Variants in TULP4 observed in about 807,000 individuals in gnomAD.
The protein encoded by TULP4 is TUB like protein 4.
A neutral mutation model predicts 129.0 loss-of-function variants in TULP4; 16 were observed. The observed-to-expected ratio is 0.12, with a 90% CI of 0.08 to 0.19. TULP4 has a LOEUF of 0.19. Among genes scored for constraint, TULP4 ranks in the 10% least tolerant of loss-of-function variants. TULP4 has a pLI of 1.00. For missense variants in TULP4, 1,842 were observed against 2,059.1 expected (o/e 0.89, Z 2.04); for synonymous variants, 998 against 854.0 (o/e 1.17, Z -2.94).
intron 1 of TULP4, among the ~76,000 whole-genome samples, chr6:158,257,370 T>A (rs979873455): frequency 6.6e-6 from 1 of 152,212 alleles, no homozygotes; most frequent in African/African-American, 2.4e-5. Flanking sequence ...GGGAATTCAG[T>A]CTGTCTCAAA....
chr6:158,378,110 G>A (rs1037707495), intron 1 of TULP4, among the ~76,000 whole-genome samples: 11 of 152,156 alleles, frequency 7.2e-5, no homozygotes, highest in African/African-American at 2.7e-4. Flanking sequence ...GGAAAACACG[G>A]TTCTGAGACA....
At chr6:158,435,110 C>T (rs1407669919) in intron 3 of TULP4, among the ~76,000 whole-genome samples, 1 of 152,230 alleles carries the variant, frequency 6.6e-6, no homozygotes, top group East Asian at 1.9e-4. Flanking sequence ...GAGGCACATA[C>T]ATAATATGGG....
At position 158,413,651 on chromosome 6, in the gene TULP4, C is replaced by T. The variant is rs1205794289; in HGVS notation, c.381+458C>T. ...TCTCTTCCACAGGCTTCAATCAGCA[C>T]GGCCTCCTGTTGTCATCCTCCAGCT... is the stretch of plus-strand genomic sequence containing the variant. On this transcript the variant is annotated intron_variant, in intron 2 of 13. Coordinates refer to ENST00000367097, the MANE Select transcript of TULP4 (RefSeq NM_020245.5). This position sits in a 1 kb window ranked among gnomAD's most constrained non-coding sequence, Gnocchi z 4.9. Among the ~76,000 whole-genome samples, 2 of 152,246 alleles carry T rather than the reference C, an allele frequency of 1.3e-5. No individual in the cohort carries two copies. Among genetic ancestry groups the T allele is most frequent in the African/African-American group, 2.4e-5 (1 of 41,468 alleles).
chr6:158,448,905 A>G, intron 3 of TULP4, 91 bp from the exon 4 acceptor site: 2 of 1,345,560 alleles, frequency 1.5e-6, no homozygotes, highest in Non-Finnish European at 2.0e-6. Flanking sequence ...CTAAATGTAT[A>G]TTGTCTTCCT....
intron 11 of TULP4, among the ~76,000 whole-genome samples, chr6:158,498,154 C>G (rs1273294049): frequency 6.6e-6 from 1 of 152,092 alleles, no homozygotes; most frequent in East Asian, 1.9e-4. Flanking sequence ...AGCCAGTAAA[C>G]CAAGGTTCCA....
chr6:158,371,946 C>G (rs1353200726), intron 1 of TULP4, among the ~76,000 whole-genome samples: 1 of 152,142 alleles, frequency 6.6e-6, no homozygotes, highest in Non-Finnish European at 1.5e-5. Flanking sequence ...ACCTGAGTAG[C>G]TGGCACTACA....
intron 1 of TULP4, among the ~76,000 whole-genome samples, chr6:158,252,002 A>G (rs745935930): frequency 2.6e-5 from 4 of 152,252 alleles, no homozygotes; most frequent in Non-Finnish European, 4.4e-5. Flanking sequence ...CAGAGAACCC[A>G]GAGGGTTTGG....
intron 1 of TULP4, among the ~76,000 whole-genome samples, chr6:158,319,514 G>T (rs1230088368): frequency 6.6e-6 from 1 of 152,102 alleles, no homozygotes; most frequent in Non-Finnish European, 1.5e-5. Context: ...ACCATTGCAA[G>T]ATTTTATTTC....
At chr6:158,501,563 C>T (rs1047981060) in intron 12 of TULP4, 115 bp from the exon 13 acceptor site, 9 of 1,075,288 alleles carry the variant, frequency 8.4e-6, no homozygotes, top group Non-Finnish European at 1.2e-5. Flanking sequence ...CTGTCTCTGG[C>T]AATTTGCATT....
At chr6:158,393,599 A>G (rs1777638742) in intron 1 of TULP4, among the ~76,000 whole-genome samples, 1 of 152,210 alleles carries the variant, frequency 6.6e-6, no homozygotes, top group Non-Finnish European at 1.5e-5. Flanking sequence ...AACATCATAT[A>G]GAAGCTACTG....
chr6:158,489,089 T>C (rs1780135740), intron 8 of TULP4, among the ~76,000 whole-genome samples: 2 of 152,154 alleles, frequency 1.3e-5, no homozygotes, highest in African/African-American at 4.8e-5. Flanking sequence ...CTGTGGCAAT[T>C]CCAGGGGACT....
chr6:158,491,543 C>T (rs1320583253), intron 9 of TULP4, among the ~76,000 whole-genome samples: 2 of 150,926 alleles, frequency 1.3e-5, no homozygotes, highest in African/African-American at 2.4e-5. Context: ...CCCAGGCTGG[C>T]GTGCAGTGGC....
At chr6:158,386,535 C>A (rs1175222372) in intron 1 of TULP4, among the ~76,000 whole-genome samples, 1 of 152,112 alleles carries the variant, frequency 6.6e-6, no homozygotes, top group East Asian at 1.9e-4. Flanking sequence ...TTACTCCTTA[C>A]TATATATCTA....
chr6:158,237,755 A>G (rs1281912289), intron 1 of TULP4: 3 of 818,884 alleles, frequency 3.7e-6, no homozygotes, highest in Admixed American at 1.7e-5. Context: ...TTCCAAATGT[A>G]TGTAGCACCA....
At chr6:158,350,468 C>T (rs1478818407) in intron 1 of TULP4, among the ~76,000 whole-genome samples, 33 of 152,370 alleles carry the variant, frequency 2.2e-4, no homozygotes, top group Admixed American at 2.2e-3. Context: ...ACTCTGTCTG[C>T]AATCCCAGCA....
At chr6:158,235,218 C>A (rs867506535) in intron 1 of TULP4, among the ~76,000 whole-genome samples, 2 of 152,012 alleles carry the variant, frequency 1.3e-5, no homozygotes, top group South Asian at 4.1e-4. Flanking sequence ...GTGTACAGTT[C>A]AGTAGCATTA....
intron 1 of TULP4, among the ~76,000 whole-genome samples, chr6:158,404,499 C>G (rs1777929404): frequency 6.6e-6 from 1 of 151,288 alleles, no homozygotes; most frequent in African/African-American, 2.4e-5. Flanking sequence ...GTGAATTGGC[C>G]AGGTGCGGTG....
chr6:158,336,472 T>A (rs760614371), intron 1 of TULP4, among the ~76,000 whole-genome samples: 5 of 152,236 alleles, frequency 3.3e-5, no homozygotes, highest in Admixed American at 6.5e-5. Flanking sequence ...GCGCTGGATT[T>A]TGAGTCATAA....
chr6:158,439,646 A>G (rs1022047680), intron 3 of TULP4, among the ~76,000 whole-genome samples: 5 of 151,474 alleles, frequency 3.3e-5, no homozygotes, highest in Non-Finnish European at 7.4e-5. Flanking sequence ...ACTGTGCTCA[A>G]TACAAGAAAA....
Sources: gnomAD v4.1 joint callset for allele counts (sites outside exome capture counted in the v4.1 genomes callset) on GRCh38, gnomAD v4.1.1 for gene constraint, Gnocchi (gnomAD v3.1) non-coding constraint, MANE v1.5 for transcripts, NCBI Gene and HGNC (gene_info 2026-07-23, HGNC 2026-07-21) for gene names.